Variants in OSBP observed in about 807,000 individuals in gnomAD.
OSBP encodes the protein oxysterol-binding protein 1.
In OSBP, 32 loss-of-function variants were observed where a neutral mutation model predicts 96.6. The observed-to-expected ratio is 0.33, with a 90% CI of 0.25 to 0.45. The LOEUF is 0.45. OSBP is among the 20% of genes least tolerant of loss of function. The pLI is 1.00. For missense variants in OSBP, 653 were observed against 1,029.7 expected (o/e 0.63, Z 5.01); for synonymous variants, 369 against 389.6 (o/e 0.95, Z 0.62).
At chr11:59,593,449 C>A in intron 9 of OSBP, 155 bp downstream of exon 9, 1 of 719,466 alleles carries the variant, frequency 1.4e-6, no homozygotes, top group East Asian at 2.7e-5. Context: ...CATTTGATAG[C>A]TGAAAAGTTA....
rs559419488 is a variant in OSBP at position 59,590,768 on chromosome 11, TTCTC to T, written c.1678+2832_1678+2835del. On this transcript the variant is annotated intron_variant, in intron 9 of 13. Transcript: ENST00000263847. ...TATATCTACTGGCTTAACAATAATTTTCTCTCTGAGAATTGAGTGCCATGGCAAA... is the reference window on the plus strand; with the variant it reads ...TATATCTACTGGCTTAACAATAATTTTCTGAGAATTGAGTGCCATGGCAAA... Among the ~76,000 whole-genome samples, 78 of 152,360 alleles carry T rather than the reference TTCTC, an allele frequency of 5.1e-4. 1 individual carries two copies. The South Asian group carries it at 0.016, about 30-fold the overall frequency.
intron 9 of OSBP, among the ~76,000 whole-genome samples, chr11:59,583,647 T>G (rs961977746): frequency 3.3e-4 from 45 of 138,182 alleles, no homozygotes; most frequent in African/African-American, 7.2e-4. Context: ...TTTTTTTTTT[T>G]TTTTTTTTTT....
chr11:59,586,039 CG>C (rs1183489223), intron 9 of OSBP, among the ~76,000 whole-genome samples: 2 of 152,036 alleles, frequency 1.3e-5, no homozygotes, highest in Non-Finnish European at 2.9e-5. Flanking sequence ...TGGAAGGCCG[CG>C]GGGTCCTCTG....
At chr11:59,600,101 T>C (rs2134668769) in intron 7 of OSBP, among the ~76,000 whole-genome samples, 1 of 152,326 alleles carries the variant, frequency 6.6e-6, no homozygotes. Context: ...CTGTGTTCCC[T>C]AAGCCTTTGT....
At chr11:59,580,603 C>G (rs901378526) in intron 10 of OSBP, among the ~76,000 whole-genome samples, 4 of 152,214 alleles carry the variant, frequency 2.6e-5, no homozygotes, top group Admixed American at 2.6e-4. Flanking sequence ...CTGCTTAAAT[C>G]AAAATACTCT....
intron 9 of OSBP, among the ~76,000 whole-genome samples, chr11:59,587,641 C>T (rs1257702851): frequency 2.0e-5 from 3 of 152,182 alleles, no homozygotes; most frequent in Non-Finnish European, 4.4e-5. Context: ...TGAGATACTA[C>T]CTCACATCCA....
chr11:59,608,294 C>T (rs1307389454), intron 3 of OSBP, among the ~76,000 whole-genome samples, 190 bp downstream of exon 3: 1 of 152,186 alleles, frequency 6.6e-6, no homozygotes, highest in African/African-American at 2.4e-5. Flanking sequence ...TTAAGCAGAG[C>T]ATGAAAGTCA....
At chr11:59,591,116 T>C (rs572062101) in intron 9 of OSBP, among the ~76,000 whole-genome samples, 4 of 152,344 alleles carry the variant, frequency 2.6e-5, no homozygotes, top group South Asian at 2.1e-4. Flanking sequence ...TACTATCAAA[T>C]TGTTTTCTTT....
intron 7 of OSBP, 151 bp from the exon 8 acceptor site, chr11:59,594,406 T>G (rs1358432799): frequency 1.5e-6 from 1 of 682,728 alleles, no homozygotes; most frequent in Admixed American, 2.9e-5. Flanking sequence ...CAACCCATTC[T>G]CCTTGTCAAC....
chr11:59,591,678 T>C (rs866417747), intron 9 of OSBP, among the ~76,000 whole-genome samples: 73 of 151,216 alleles, frequency 4.8e-4, no homozygotes, highest in Middle Eastern at 6.8e-3. Flanking sequence ...TGGAGTGAAA[T>C]GGCGTGATCT....
At chr11:59,597,068 C>T (rs1362626879) in intron 7 of OSBP, among the ~76,000 whole-genome samples, 3 of 151,744 alleles carry the variant, frequency 2.0e-5, no homozygotes, top group African/African-American at 7.3e-5. Flanking sequence ...CTATTTCTTT[C>T]TTTTTTTTGA....
At chr11:59,595,918 T>C (rs1489588915) in intron 7 of OSBP, among the ~76,000 whole-genome samples, 1 of 151,084 alleles carries the variant, frequency 6.6e-6, no homozygotes, top group East Asian at 1.9e-4. Flanking sequence ...CACTCCAGCC[T>C]GGGCAACAGA....
chr11:59,581,282 A>G (rs1351876312), intron 10 of OSBP, among the ~76,000 whole-genome samples, 169 bp downstream of exon 10: 1 of 152,234 alleles, frequency 6.6e-6, no homozygotes, highest in Admixed American at 6.5e-5. Flanking sequence ...TGGTACAGAA[A>G]ACTTAGAGAG....
intron 2 of OSBP, among the ~76,000 whole-genome samples, chr11:59,609,948 G>C (rs1402271330): frequency 6.6e-6 from 1 of 152,158 alleles, no homozygotes; most frequent in Non-Finnish European, 1.5e-5. Context: ...TCCCAAGACT[G>C]GCCCACCAAT....
intron 1 of OSBP, among the ~76,000 whole-genome samples, chr11:59,614,942 G>A (rs528283639): frequency 6.6e-6 from 1 of 152,346 alleles, no homozygotes; most frequent in Admixed American, 6.5e-5. Context: ...TCTGCTGCAT[G>A]TGTTCCCTTA....
In OSBP at chr11:59,599,250, G is replaced by A. The variant is rs74327475; in HGVS notation, c.1311+1246C>T. On this transcript the variant is annotated intron_variant, in intron 7 of 13. Coordinates refer to ENST00000263847, the MANE Select transcript of OSBP (RefSeq NM_002556.3). Reference sequence around the variant, plus strand: ...GGATGAAAGCAGCTGCAGATGATACGTAAATGAAAGAGTATCATTGTGCTC... The same window carrying A: ...GGATGAAAGCAGCTGCAGATGATACATAAATGAAAGAGTATCATTGTGCTC... Among the ~76,000 whole-genome samples the A allele has an allele frequency of 2.1e-3, 319 of 152,308 alleles. 2 individuals are homozygous for A. The highest frequency in any genetic ancestry group is 0.018 in the East Asian group (94 of 5,184).
intron 8 of OSBP, 100 bp downstream of exon 8, chr11:59,593,910 A>T: frequency 6.8e-7 from 1 of 1,476,916 alleles, no homozygotes; most frequent in Non-Finnish European, 9.1e-7. Context: ...CTGGGATGAC[A>T]GGGACTAGAA....
intron 9 of OSBP, among the ~76,000 whole-genome samples, chr11:59,587,461 C>T (rs906996144): frequency 6.6e-6 from 1 of 150,646 alleles, no homozygotes; most frequent in Non-Finnish European, 1.5e-5. Context: ...AAGACTGCGC[C>T]ACTGCACTCC....
chr11:59,610,527 G>T lies in OSBP; in HGVS notation c.425C>A (p.Thr142Asn). Residue 142 changes from threonine (T) to asparagine (N), a missense_variant, in exon 2 of 14, where the codon ACC becomes AAC. By Grantham distance (65) the Thr-to-Asn change is moderately conservative. Around this residue, in one of 6 missense-constraint regions of OSBP, gnomAD observed 308 missense variants for 573.1 expected, o/e 0.54. Transcript: ENST00000263847. ...GATGAAGTTGCAGGAGTCCTCCACGGTGATGTTGGCTGTGGCGAGGTTGAT... is the reference window on the plus strand; with the variant it reads ...GATGAAGTTGCAGGAGTCCTCCACGTTGATGTTGGCTGTGGCGAGGTTGAT... Reference protein sequence around the residue: ...GTINLATANITVEDSCNFIIS... With the variant: ...GTINLATANINVEDSCNFIIS... 1 of 1,614,182 alleles carries T rather than the reference G, an allele frequency of 6.2e-7. No individual in the cohort carries two copies. The highest frequency in any genetic ancestry group is 1.3e-5 in the African/African-American group (1 of 75,054).
Sources: gnomAD v4.1 joint callset for allele counts (sites outside exome capture counted in the v4.1 genomes callset) on GRCh38, gnomAD v4.1.1 for gene constraint, gnomAD v4.1.1 regional missense constraint, MANE v1.5 for transcripts, NCBI Gene and HGNC (gene_info 2026-07-23, HGNC 2026-07-21) for gene names.